The following CCDC38 variants were observed in gnomAD, a reference collection of about 807,000 sequenced individuals.
The protein encoded by CCDC38 is coiled-coil domain containing 38, also known as coiled-coil domain-containing protein 38.
In CCDC38, 69 loss-of-function variants were observed where a neutral mutation model predicts 72.8. That is an observed-to-expected ratio of 0.95 (90% CI 0.78 to 1.16). CCDC38 has a LOEUF of 1.16. CCDC38 is among the 50% of genes most tolerant of loss of function. The pLI is 0.00. For synonymous variants in CCDC38, 201 were observed against 213.2 expected (o/e 0.94, Z 0.50); for missense variants, 626 against 638.9 (o/e 0.98, Z 0.22).
chr12:95,898,736 G>A lies in CCDC38; in HGVS notation c.370-5C>T. On this transcript the variant is annotated splice_polypyrimidine_tract_variant and splice_region_variant and intron_variant, in intron 5 of 15. Coordinates refer to ENST00000344280, the MANE Select transcript of CCDC38 (RefSeq NM_182496.3). Reference sequence around the variant, plus strand: ...TCTTTTGGTTGACAAAGCATACTAGGGGCATTGAAGACAGAGGTGTAAAAA... The same window carrying A: ...TCTTTTGGTTGACAAAGCATACTAGAGGCATTGAAGACAGAGGTGTAAAAA... 1.2e-6 allele frequency: 2 copies of A among 1,612,110 alleles called. No individual in the cohort carries two copies. Among genetic ancestry groups the A allele is most frequent in the Non-Finnish European group, 1.7e-6 (2 of 1,179,566 alleles).
intron 2 of CCDC38, among the ~76,000 whole-genome samples, chr12:95,924,565 T>C (rs1177455496): frequency 6.6e-6 from 1 of 150,554 alleles, no homozygotes; most frequent in Non-Finnish European, 1.5e-5. Context: ...TTGTCAATTT[T>C]GGCTTTGGTT....
intron 10 of CCDC38, among the ~76,000 whole-genome samples, chr12:95,884,923 A>G (rs952851593): frequency 3.3e-5 from 5 of 152,258 alleles, no homozygotes; most frequent in Admixed American, 2.6e-4. Flanking sequence ...TAGGACTTCT[A>G]CATATCTTTG....
intron 13 of CCDC38, among the ~76,000 whole-genome samples, chr12:95,873,859 C>T (rs1374364581): frequency 1.3e-5 from 2 of 152,202 alleles, no homozygotes; most frequent in Non-Finnish European, 2.9e-5. Context: ...TTCTCTTCCA[C>T]CTCCTAGCTT....
At chr12:95,888,893 G>T (rs1029214807) in intron 9 of CCDC38, among the ~76,000 whole-genome samples, 1 of 151,860 alleles carries the variant, frequency 6.6e-6, no homozygotes, top group African/African-American at 2.4e-5. Flanking sequence ...CTTTGTGTAC[G>T]TGGGGTCTTG....
intron 2 of CCDC38, among the ~76,000 whole-genome samples, chr12:95,920,249 T>C (rs61418134): frequency 0.024 from 3,671 of 152,198 alleles, 150 homozygotes; most frequent in African/African-American, 0.084. Flanking sequence ...TCTCATGAGA[T>C]CTGATGGTTT....
In CCDC38 at chr12:95,925,379, C is replaced by T. The variant is rs201628389; in HGVS notation, c.38-6403G>A. ...TGTATAAGAATGCTTGTGATTTTTG[C>T]ACATTGATTTTGTATCCTGAGACTT... On this transcript the variant is annotated intron_variant, in intron 2 of 15. Coordinates refer to ENST00000344280, the MANE Select transcript of CCDC38 (RefSeq NM_182496.3). 1.8e-4 allele frequency among the ~76,000 whole-genome samples: 27 copies of T among 152,204 alleles called. No individual in the cohort carries two copies. The East Asian group carries it at 4.8e-3, about 27-fold the overall frequency.
chr12:95,907,924 G>A (rs1168228116), intron 4 of CCDC38, among the ~76,000 whole-genome samples: 1 of 151,214 alleles, frequency 6.6e-6, no homozygotes, highest in Non-Finnish European at 1.5e-5. Flanking sequence ...AGATGGGATG[G>A]CGGCTGGGCA....
At chr12:95,907,719 TCAGA>T (rs1158403561) in intron 4 of CCDC38, among the ~76,000 whole-genome samples, 2 of 142,632 alleles carry the variant, frequency 1.4e-5, no homozygotes, top group Non-Finnish European at 3.0e-5. Flanking sequence ...TCCTCACTTC[TCAGA>T]CAGGGCGGTT....
At chr12:95,872,984 T>C (rs1484310702) in intron 13 of CCDC38, among the ~76,000 whole-genome samples, 1 of 152,254 alleles carries the variant, frequency 6.6e-6, no homozygotes, top group East Asian at 1.9e-4. Context: ...TTTCTTAAAA[T>C]ATACTGAACT....
chr12:95,916,129 T>C (rs1333170416), intron 4 of CCDC38, among the ~76,000 whole-genome samples: 1 of 152,256 alleles, frequency 6.6e-6, no homozygotes, highest in Non-Finnish European at 1.5e-5. Flanking sequence ...TGAACGTAGA[T>C]ATGCCCTAGA....
intron 13 of CCDC38, among the ~76,000 whole-genome samples, chr12:95,876,872 T>C (rs938014113): frequency 1.3e-5 from 2 of 152,168 alleles, no homozygotes; most frequent in Non-Finnish European, 1.5e-5. Flanking sequence ...AACGCAAGCC[T>C]CCTTAACAAC....
At chr12:95,923,490 A>G (rs999785130) in intron 2 of CCDC38, among the ~76,000 whole-genome samples, 2 of 152,048 alleles carry the variant, frequency 1.3e-5, no homozygotes, top group African/African-American at 2.4e-5. Flanking sequence ...TCTTCTTCCA[A>G]GAGAAACTCT....
chr12:95,869,839 TCAGAGA>T (rs1644012703), intron 14 of CCDC38: 1 of 320,582 alleles, frequency 3.1e-6, no homozygotes, highest in Non-Finnish European at 5.7e-6. Context: ...TTTTTTTTCC[TCAGAGA>T]CAGAGTCTCA....
rs547429147 is a variant in CCDC38, at chr12:95,908,371, A to G, written c.305-1920T>C. ...CAGGCACTCGGCAGGCTGAGGCAGG[A>G]GAATCAGGCAGGGAGGTTGCAGTGA... On this transcript the variant is annotated intron_variant, in intron 4 of 15. Transcript: ENST00000344280. Among the ~76,000 whole-genome samples the G allele has an allele frequency of 7.1e-3, 1,020 of 144,566 alleles. 27 individuals are homozygous for G. The highest frequency in any genetic ancestry group is 0.026 in the African/African-American group (968 of 37,186). The allele number at this position is 144,566 out of a possible 152,430, so 94.8% of individuals were successfully genotyped here.
chr12:95,870,038 G>A (rs568336778), intron 14 of CCDC38, among the ~76,000 whole-genome samples: 8 of 152,066 alleles, frequency 5.3e-5, no homozygotes, highest in South Asian at 2.1e-4. Context: ...TTCCCAGGCC[G>A]GTCTCGAACT....
chr12:95,871,625 G>T (rs2121409069), intron 14 of CCDC38, among the ~76,000 whole-genome samples: 1 of 152,316 alleles, frequency 6.6e-6, no homozygotes, highest in Non-Finnish European at 1.5e-5. Flanking sequence ...GCATGTGGGG[G>T]ATGGGTTGGG....
chr12:95,888,963 GAA>G (rs59844333), intron 9 of CCDC38: 85 of 171,284 alleles, frequency 5.0e-4, no homozygotes, highest in Middle Eastern at 2.7e-3. Flanking sequence ...GAAAGAAGGG[GAA>G]AAAAAATGGA....
chr12:95,920,859 G>A (rs772441195), intron 2 of CCDC38, among the ~76,000 whole-genome samples: 7 of 151,814 alleles, frequency 4.6e-5, no homozygotes, highest in Admixed American at 1.3e-4. Context: ...GCCGGGCGCA[G>A]TGGTCACACG....
intron 2 of CCDC38, among the ~76,000 whole-genome samples, chr12:95,926,803 A>G (rs1279430494): frequency 1.3e-5 from 2 of 151,318 alleles, no homozygotes; most frequent in Non-Finnish European, 2.9e-5. Context: ...TTATGTACCC[A>G]GTAGTCATTC....
Sources: gnomAD v4.1 joint callset for allele counts (sites outside exome capture counted in the v4.1 genomes callset) on GRCh38, gnomAD v4.1.1 for gene constraint, MANE v1.5 for transcripts, NCBI Gene and HGNC (gene_info 2026-07-23, HGNC 2026-07-21) for gene names.